Variants in FAM168A observed in about 807,000 individuals in gnomAD.
FAM168A encodes family with sequence similarity 168 member A, also known as protein FAM168A.
FAM168A carries 3 observed loss-of-function variants against 28.5 expected under a neutral mutation model. The ratio of observed to expected loss-of-function variants is 0.11; its 90% CI spans 0.05 to 0.27. FAM168A has a LOEUF of 0.27. Ranked by LOEUF, FAM168A falls within the 10% of genes least tolerant of loss-of-function variation. The pLI is 1.00. For missense variants in FAM168A, 222 were observed against 311.5 expected (o/e 0.71, Z 2.16); for synonymous variants, 122 against 124.2 (o/e 0.98, Z 0.12).
intron 1 of FAM168A, among the ~76,000 whole-genome samples, chr11:73,470,488 A>C (rs79129211): frequency 0.083 from 12,576 of 152,216 alleles, 1,578 homozygotes; most frequent in African/African-American, 0.27. Context: ...GACTGTTAAA[A>C]GGTGATTAGG....
At chr11:73,559,816 CAAT>C (rs1357423438) in intron 1 of FAM168A, among the ~76,000 whole-genome samples, 1 of 152,170 alleles carries the variant, frequency 6.6e-6, no homozygotes, top group South Asian at 2.1e-4. Flanking sequence ...ATCCCTCAGT[CAAT>C]AATGAGAATC....
chr11:73,464,007 C>A (rs565410899), intron 2 of FAM168A, among the ~76,000 whole-genome samples: 1 of 152,190 alleles, frequency 6.6e-6, no homozygotes, highest in Admixed American at 6.5e-5. Flanking sequence ...AAATTAAAAT[C>A]CATTTTCCAG....
intron 1 of FAM168A, among the ~76,000 whole-genome samples, chr11:73,572,242 C>A (rs376431760): frequency 6.6e-6 from 1 of 151,498 alleles, no homozygotes; most frequent in Non-Finnish European, 1.5e-5. Flanking sequence ...CCGCCCCGTC[C>A]GGGAGGGAGG....
At chr11:73,516,666 T>C (rs1192990324) in intron 1 of FAM168A, among the ~76,000 whole-genome samples, 1 of 152,244 alleles carries the variant, frequency 6.6e-6, no homozygotes, top group Non-Finnish European at 1.5e-5. Flanking sequence ...ATTTTTTCCA[T>C]GTCCACCTCT....
Position 73,448,694 on chromosome 11 carries a change from G to A in FAM168A, c.71-17924C>T, listed in dbSNP as rs150160761. Among the ~76,000 whole-genome samples the A allele has an allele frequency of 2.1e-3, 321 of 152,248 alleles. 1 individual carries two copies. The highest frequency in any genetic ancestry group is 7.4e-3 in the African/African-American group (308 of 41,550). On this transcript the variant is annotated intron_variant, in intron 2 of 7. Coordinates refer to ENST00000356467, the MANE Select transcript of FAM168A (RefSeq NM_015159.3). The stretch of plus-strand genomic sequence containing the variant: ...TATTTGGGTCTTTGCTTTCCTAGGA[G>A]AAGAACAGACATTACTCGTGTTCCT...
intron 1 of FAM168A, among the ~76,000 whole-genome samples, chr11:73,525,052 T>C (rs1373153116): frequency 6.6e-6 from 1 of 151,856 alleles, no homozygotes; most frequent in Non-Finnish European, 1.5e-5. Context: ...ACATTGTTTC[T>C]CTTGTGCTTG....
intron 1 of FAM168A, among the ~76,000 whole-genome samples, chr11:73,561,477 A>G (rs1943957795): frequency 6.6e-6 from 1 of 151,960 alleles, no homozygotes; most frequent in African/African-American, 2.4e-5. Flanking sequence ...ATATATATAT[A>G]TTATTCTATT....
intron 1 of FAM168A, among the ~76,000 whole-genome samples, chr11:73,530,334 C>T (rs746436797): frequency 7.0e-6 from 1 of 143,540 alleles, no homozygotes; most frequent in Non-Finnish European, 1.5e-5. Flanking sequence ...CCCAGTGGAG[C>T]GAGTGGCTAT....
intron 1 of FAM168A, among the ~76,000 whole-genome samples, chr11:73,581,363 C>T (rs562148351): frequency 1.1e-4 from 16 of 152,336 alleles, no homozygotes; most frequent in Non-Finnish European, 1.8e-4. Flanking sequence ...TTGTATACCA[C>T]ATTTATGAGC....
intron 2 of FAM168A, among the ~76,000 whole-genome samples, chr11:73,445,813 C>T (rs185688890): frequency 4.6e-5 from 7 of 152,326 alleles, no homozygotes; most frequent in Admixed American, 4.6e-4. Context: ...AAGACACTTA[C>T]AGCCCTTATC....
At chr11:73,494,187 G>A (rs1452749127) in intron 1 of FAM168A, among the ~76,000 whole-genome samples, 3 of 152,122 alleles carry the variant, frequency 2.0e-5, no homozygotes, top group Non-Finnish European at 4.4e-5. Flanking sequence ...GAGTGTTAGA[G>A]CTTGGTAGGA....
At chr11:73,462,248 A>G (rs55940558) in intron 2 of FAM168A, among the ~76,000 whole-genome samples, 11,213 of 152,272 alleles carry the variant, frequency 0.074, 1,233 homozygotes, top group African/African-American at 0.24. Context: ...CGGCATATAC[A>G]TAAAACAGAA....
chr11:73,454,759 G>A (rs1016351551), intron 2 of FAM168A, among the ~76,000 whole-genome samples: 3 of 152,176 alleles, frequency 2.0e-5, no homozygotes, highest in Admixed American at 1.3e-4. Context: ...GGTACAGCTT[G>A]ACAGCAAAAC....
chr11:73,592,934 C>CT (rs2134749967), intron 1 of FAM168A, among the ~76,000 whole-genome samples: 1 of 151,410 alleles, frequency 6.6e-6, no homozygotes, highest in Admixed American at 6.6e-5. Flanking sequence ...CTTCTTTTTA[C>CT]TTTTTGTAAT....
At chr11:73,430,571 T>C (rs879890483) in intron 3 of FAM168A, 119 bp downstream of exon 3, 3 of 922,710 alleles carry the variant, frequency 3.3e-6, no homozygotes, top group Non-Finnish European at 5.3e-6. Context: ...AAATCCAGCC[T>C]GGAGAGGCTG....
chr11:73,596,241 A>G (rs1038125838), intron 1 of FAM168A, among the ~76,000 whole-genome samples: 1 of 152,196 alleles, frequency 6.6e-6, no homozygotes, highest in Non-Finnish European at 1.5e-5. Flanking sequence ...AGCTCATCAA[A>G]TCTATTTAAA....
chr11:73,541,166 C>T (rs1479037566), intron 1 of FAM168A, among the ~76,000 whole-genome samples: 1 of 151,802 alleles, frequency 6.6e-6, no homozygotes, highest in African/African-American at 2.4e-5. Context: ...GAATGCATTA[C>T]CGCACTCCAG....
intron 1 of FAM168A, among the ~76,000 whole-genome samples, chr11:73,543,680 T>C (rs1943686761): frequency 6.6e-6 from 1 of 152,198 alleles, no homozygotes; most frequent in African/African-American, 2.4e-5. Context: ...CAATTTAACC[T>C]GATAGAAGTA....
chr11:73,530,072 C>A (rs1026280284), intron 1 of FAM168A, among the ~76,000 whole-genome samples: 3 of 152,050 alleles, frequency 2.0e-5, no homozygotes, highest in Admixed American at 2.0e-4. Flanking sequence ...CAGGCATGAG[C>A]CACCACACCT....
Sources: gnomAD v4.1 joint callset for allele counts (sites outside exome capture counted in the v4.1 genomes callset) on GRCh38, gnomAD v4.1.1 for gene constraint, MANE v1.5 for transcripts, NCBI Gene and HGNC (gene_info 2026-07-23, HGNC 2026-07-21) for gene names.